Variants in ECM2 observed in about 807,000 individuals in gnomAD.
The protein encoded by ECM2 is extracellular matrix protein 2.
ECM2 carries 57 observed loss-of-function variants against 67.5 expected under a neutral mutation model. The observed-to-expected ratio is 0.84, with a 90% CI of 0.68 to 1.05. The LOEUF (loss-of-function observed/expected upper bound fraction) is 1.05, where lower values mean the gene tolerates loss of function less well. Among genes scored for constraint, ECM2 ranks in the 50% least tolerant of loss-of-function variants. The pLI, the probability that ECM2 is intolerant of heterozygous loss-of-function variation, is 0.00. For missense variants in ECM2, 741 were observed against 822.8 expected (o/e 0.90, Z 1.22); for synonymous variants, 258 against 294.5 (o/e 0.88, Z 1.27).
At chr9:92,514,368 G>A (rs191220426) in intron 4 of ECM2, among the ~76,000 whole-genome samples, 1 of 150,762 alleles carries the variant, frequency 6.6e-6, no homozygotes, top group African/African-American at 2.4e-5. Flanking sequence ...TCCGCCTCCT[G>A]GATTCAAACG....
intron 4 of ECM2, among the ~76,000 whole-genome samples, chr9:92,512,669 G>T (rs1847425233): frequency 6.6e-6 from 1 of 152,078 alleles, no homozygotes; most frequent in Admixed American, 6.5e-5. Context: ...ATCTACAAAG[G>T]TTCCTGTATG....
chr9:92,499,545 A>C (rs150835567), intron 9 of ECM2, among the ~76,000 whole-genome samples: 347 of 152,334 alleles, frequency 2.3e-3, no homozygotes, highest in Admixed American at 4.8e-3. Flanking sequence ...GACCACTTCA[A>C]TCCAGTGATC....
At chr9:92,538,858 C>T (rs928104765), upstream of ECM2, among the ~76,000 whole-genome samples, 4 of 152,208 alleles carry the variant, frequency 2.6e-5, no homozygotes, top group African/African-American at 9.7e-5. Context: ...AAGATTTAGA[C>T]TCTAGGACAT....
the ECM2 span, among the ~76,000 whole-genome samples, chr9:92,548,634 T>C: frequency 6.6e-6 from 1 of 152,158 alleles, no homozygotes; most frequent in African/African-American, 2.4e-5. Flanking sequence ...TATGTAAATA[T>C]CAAGTATATT....
chr9:92,494,909 A>T (rs1280531250), downstream of ECM2, among the ~76,000 whole-genome samples: 1 of 152,132 alleles, frequency 6.6e-6, no homozygotes, highest in African/African-American at 2.4e-5. Flanking sequence ...CCGTCTAAAA[A>T]AATAATAATA....
upstream of ECM2, among the ~76,000 whole-genome samples, chr9:92,536,891 G>A (rs1303310092): frequency 7.2e-6 from 1 of 138,770 alleles, no homozygotes; most frequent in Admixed American, 7.2e-5. Context: ...TTTTTGAGAC[G>A]GGAGTTTTTG....
chr9:92,551,934 T>TATATATATG, the ECM2 span, among the ~76,000 whole-genome samples: 16 of 97,334 alleles, frequency 1.6e-4, no homozygotes, highest in African/African-American at 1.0e-3. Context: ...TGTATATATA[T>TATATATATG]ATATATATAT....
chr9:92,525,869 C>T (rs1240920604), intron 1 of ECM2, among the ~76,000 whole-genome samples: 1 of 127,794 alleles, frequency 7.8e-6, no homozygotes. Context: ...CCACCATGCC[C>T]AGAGTGCAGA....
At chr9:92,515,643 AGAAAAGT>A (rs1847656474) in intron 3 of ECM2, among the ~76,000 whole-genome samples, 1 of 152,252 alleles carries the variant, frequency 6.6e-6, no homozygotes. Flanking sequence ...ACCAGACATT[AGAAAAGT>A]GAAACAGGTG....
chr9:92,506,405 A>G (rs185844767), intron 6 of ECM2, among the ~76,000 whole-genome samples: 1 of 152,274 alleles, frequency 6.6e-6, no homozygotes, highest in Admixed American at 6.5e-5. Flanking sequence ...CTTTGTTTCT[A>G]CTAGTCTCAG....
chr9:92,541,802 T>A, the ECM2 span, among the ~76,000 whole-genome samples: 1 of 152,036 alleles, frequency 6.6e-6, no homozygotes, highest in East Asian at 1.9e-4. Context: ...TTTCCTTTTT[T>A]GTTTTTTTTG....
At chr9:92,541,265 A>C (rs1849311982), upstream of ECM2, among the ~76,000 whole-genome samples, 1 of 152,158 alleles carries the variant, frequency 6.6e-6, no homozygotes. Flanking sequence ...TCTCAAAATA[A>C]AATAAAATAA....
chr9:92,546,569 C>T, the ECM2 span, among the ~76,000 whole-genome samples: 2 of 152,062 alleles, frequency 1.3e-5, no homozygotes, highest in East Asian at 1.9e-4. Flanking sequence ...ACTCCTGAGC[C>T]AGCGAGACCA....
At chr9:92,517,367 C>T in intron 3 of ECM2, 1 of 516,182 alleles carries the variant, frequency 1.9e-6, no homozygotes, top group East Asian at 3.4e-5. Context: ...AAAGCAGAGC[C>T]CTTAATGCAA....
At chr9:92,556,528 AAT>A in the ECM2 span, among the ~76,000 whole-genome samples, 4 of 152,148 alleles carry the variant, frequency 2.6e-5, no homozygotes, top group Non-Finnish European at 5.9e-5. Flanking sequence ...GTTAGGTGCA[AAT>A]ATGTTTAGAA....
In ECM2 at chr9:92,514,628, T is replaced by C; in HGVS notation, c.1054+3A>G. 1.3e-6 allele frequency: 2 copies of C among 1,564,638 alleles called. No homozygotes were observed. The highest frequency in any genetic ancestry group is 2.7e-5 in the African/African-American group (2 of 73,452). ...AAATAAAGCAGAAGTCAACATCTCT[T>C]ACCAGTGAGCTCCAGACTTGTTATC... On this transcript the variant is annotated splice_donor_region_variant and intron_variant, in intron 4 of 9. Coordinates refer to ENST00000344604, the MANE Select transcript of ECM2 (RefSeq NM_001393.4).
chr9:92,547,349 G>T, the ECM2 span, among the ~76,000 whole-genome samples: 1 of 152,310 alleles, frequency 6.6e-6, no homozygotes, highest in South Asian at 2.1e-4. Context: ...AAAACTTGAG[G>T]ACAATTGTTC....
upstream of ECM2, among the ~76,000 whole-genome samples, chr9:92,541,072 C>T (rs1245692618): frequency 2.0e-5 from 3 of 151,806 alleles, no homozygotes; most frequent in African/African-American, 7.3e-5. Context: ...CCAGCCTGGC[C>T]AACATGGTGA....
the ECM2 span, among the ~76,000 whole-genome samples, chr9:92,543,750 G>A: frequency 1.3e-5 from 2 of 152,082 alleles, no homozygotes; most frequent in African/African-American, 4.8e-5. Flanking sequence ...TTTCAGTGTA[G>A]AGATCTTTCT....
Sources: gnomAD v4.1 joint callset for allele counts (sites outside exome capture counted in the v4.1 genomes callset) on GRCh38, gnomAD v4.1.1 for gene constraint, MANE v1.5 for transcripts, NCBI Gene and HGNC (gene_info 2026-07-23, HGNC 2026-07-21) for gene names.